Variants in ABCG2 observed in about 807,000 individuals in gnomAD.
The protein encoded by ABCG2 is broad substrate specificity ATP-binding cassette transporter ABCG2.
A neutral mutation model predicts 73.5 loss-of-function variants in ABCG2; 80 were observed. The observed-to-expected ratio is 1.09, with a 90% CI of 0.91 to 1.31. The LOEUF is 1.31. Ranked by LOEUF, ABCG2 falls within the 50% of genes most tolerant of loss-of-function variation. The pLI is 0.00. For synonymous variants in ABCG2, 269 were observed against 282.4 expected (o/e 0.95, Z 0.48); for missense variants, 796 against 786.2 (o/e 1.01, Z -0.15).
In ABCG2 at chr4:88,139,991, G is replaced by A. The variant is rs1212086865; in HGVS notation, c.5C>T (p.Ser2Phe). The change falls in exon 2 of 16, where the codon TCT becomes TTT. Residue 2 changes from serine (S) to phenylalanine (F), a missense_variant. Ser to Phe is a radical substitution (Grantham distance 155). Coordinates refer to ENST00000237612, the MANE Select transcript of ABCG2 (RefSeq NM_004827.3). M[S>F]SSNVEVFIPV... ...GATAAAAACTTCGACATTACTGGAA[G>A]ACATCTGGAGAGTTTTTATCTTTCT... 6.2e-7 allele frequency: 1 copy of A among 1,613,784 alleles called. No homozygotes were observed. Among genetic ancestry groups the A allele is most frequent in the East Asian group, 2.2e-5 (1 of 44,878 alleles).
chr4:88,140,608 C>A (rs45473592), intron 1 of ABCG2, among the ~76,000 whole-genome samples: 3 of 151,648 alleles, frequency 2.0e-5, no homozygotes, highest in African/African-American at 7.3e-5. Flanking sequence ...AGCGATAGAG[C>A]GAGACTCCAT....
chr4:88,211,710 C>T (rs1050873645), intron 1 of ABCG2, among the ~76,000 whole-genome samples: 1 of 152,124 alleles, frequency 6.6e-6, no homozygotes, highest in East Asian at 1.9e-4. Context: ...AGCCACTGTG[C>T]CCGGCCGAGA....
intron 1 of ABCG2, among the ~76,000 whole-genome samples, chr4:88,215,266 G>T (rs543038962): frequency 6.6e-6 from 1 of 152,154 alleles, no homozygotes; most frequent in Non-Finnish European, 1.5e-5. Context: ...ATAGCATGTT[G>T]GCTGGAGTAC....
chr4:88,138,426 A>C (rs751540346), intron 2 of ABCG2, among the ~76,000 whole-genome samples: 16 of 152,198 alleles, frequency 1.1e-4, no homozygotes, highest in Non-Finnish European at 1.6e-4. Context: ...CTGCAGAGGA[A>C]ATCAGGTTAT....
intron 5 of ABCG2, among the ~76,000 whole-genome samples, chr4:88,126,962 A>G (rs916021108): frequency 6.6e-6 from 1 of 152,226 alleles, no homozygotes; most frequent in Non-Finnish European, 1.5e-5. Flanking sequence ...AAGTGTATTC[A>G]AATAGGAAGA....
At position 88,090,537 on chromosome 4, in the gene ABCG2, A is replaced by C. The variant is rs1354051361; in HGVS notation, c.*1697T>G. 6.6e-6 allele frequency: 1 copy of C among 152,248 alleles called. No homozygotes were observed. Among genetic ancestry groups the C allele is most frequent in the Non-Finnish European group, 1.5e-5 (1 of 68,038 alleles). 9.4% of individuals were successfully genotyped at this position (152,248 alleles called of 1,614,324 possible). ...TTAATCAAATGTCATCCAAAAAGAA[A>C]AAAGTTCAAAGATAAAAATATAATG... On this transcript the variant is annotated 3_prime_UTR_variant, in exon 16 of 16. Coordinates refer to ENST00000237612, the MANE Select transcript of ABCG2 (RefSeq NM_004827.3).
chr4:88,122,269 GT>G (rs948257319), intron 5 of ABCG2, among the ~76,000 whole-genome samples: 95 of 151,622 alleles, frequency 6.3e-4, no homozygotes, highest in African/African-American at 2.0e-3. Flanking sequence ...AGCTGCAGGA[GT>G]TTTTTTTTCA....
chr4:88,110,182 A>C (rs575156278), intron 9 of ABCG2, among the ~76,000 whole-genome samples: 1 of 152,278 alleles, frequency 6.6e-6, no homozygotes, highest in South Asian at 2.1e-4. Context: ...ATTTATATAA[A>C]ATTCAAATTT....
chr4:88,142,106 A>G (rs1439566348), intron 1 of ABCG2, among the ~76,000 whole-genome samples: 1 of 152,128 alleles, frequency 6.6e-6, no homozygotes, highest in Non-Finnish European at 1.5e-5. Flanking sequence ...TCTCCTAATT[A>G]AAAAGAATGA....
chr4:88,204,281 C>T (rs1244056782), intron 1 of ABCG2, among the ~76,000 whole-genome samples: 2 of 152,160 alleles, frequency 1.3e-5, no homozygotes, highest in African/African-American at 4.8e-5. Context: ...ATTAGCCGGG[C>T]GTGGTGACAG....
chr4:88,156,047 A>C (rs1295810764), intron 1 of ABCG2, among the ~76,000 whole-genome samples: 1 of 152,126 alleles, frequency 6.6e-6, no homozygotes, highest in African/African-American at 2.4e-5. Flanking sequence ...AAGCCTGAGC[A>C]TTCTCTGATG....
chr4:88,202,350 T>TTTTATATATATATATATATA (rs1553945696), intron 1 of ABCG2, among the ~76,000 whole-genome samples: 5 of 35,396 alleles, frequency 1.4e-4, no homozygotes, highest in African/African-American at 7.6e-4. Flanking sequence ...ATCTCTACAA[T>TTTTATATATATATATATATA]TATTTATATA....
chr4:88,194,558 A>AGTT, intron 1 of ABCG2, among the ~76,000 whole-genome samples: 1 of 12,330 alleles, frequency 8.1e-5, no homozygotes, highest in African/African-American at 2.0e-4. Flanking sequence ...TCAAAAAAAA[A>AGTT]AAAAAAAAAA....
intron 1 of ABCG2, among the ~76,000 whole-genome samples, chr4:88,204,139 C>T (rs1233838454): frequency 1.3e-5 from 2 of 151,854 alleles, no homozygotes; most frequent in Non-Finnish European, 2.9e-5. Context: ...GAATTCAAGC[C>T]GGCCGGGCTT....
Position 88,099,264 on chromosome 4 carries a change from C to T in ABCG2, c.1492+60G>A, listed in dbSNP as rs1722216715. 2.1e-6 allele frequency: 3 copies of T among 1,448,070 alleles called. No homozygotes were observed. The East Asian group carries it at 7.6e-5, about 37-fold the overall frequency. The allele number at this position is 1,448,070 out of a possible 1,614,324, so 89.7% of individuals were successfully genotyped here. ...CCAAAAATATGCTTGCAAGGTGCAACTGACTTCACCCATAGGCAAGACTAA... is the reference window on the plus strand; with the variant it reads ...CCAAAAATATGCTTGCAAGGTGCAATTGACTTCACCCATAGGCAAGACTAA... On this transcript the variant is annotated intron_variant, in intron 12 of 15. Transcript: ENST00000237612.
rs1723271593 is a variant in ABCG2, at chr4:88,113,341, T to G, written c.1156A>C (p.Lys386Gln). Residue 386 changes from lysine to glutamine, a missense_variant, in exon 9 of 16, where the codon AAA (lysine) becomes CAA (glutamine). Lys to Gln is a moderately conservative substitution (Grantham distance 53, BLOSUM62 1). Coordinates refer to ENST00000237612, the MANE Select transcript of ABCG2 (RefSeq NM_004827.3). ...GCCTGGGGATTACCCAGCAAGTTTT[T>G]GAATGAACGCTTGGAAACCCATCTG... is the stretch of plus-strand genomic sequence containing the variant. ...QLRWVSKRSF[K>Q]NLLGNPQASI... 1 of 1,614,196 alleles carries G rather than the reference T, an allele frequency of 6.2e-7. No homozygotes were observed. The highest frequency in any genetic ancestry group is 1.1e-5 in the South Asian group (1 of 91,082).
intron 1 of ABCG2, among the ~76,000 whole-genome samples, chr4:88,177,998 G>A (rs7672821): frequency 0.23 from 34,469 of 152,050 alleles, 5,130 homozygotes; most frequent in African/African-American, 0.42. Flanking sequence ...AATAGGCCAC[G>A]AAAACAGCAA....
chr4:88,197,055 C>T (rs1295232268), intron 1 of ABCG2, among the ~76,000 whole-genome samples: 1 of 151,778 alleles, frequency 6.6e-6, no homozygotes, highest in East Asian at 1.9e-4. Flanking sequence ...AGCCTAGGGG[C>T]ACAGGCTTAC....
chr4:88,206,127 G>C (rs1275555849), intron 1 of ABCG2, among the ~76,000 whole-genome samples: 1 of 152,040 alleles, frequency 6.6e-6, no homozygotes, highest in Admixed American at 6.6e-5. Context: ...TCATATTGTT[G>C]CCTGTTGAAA....
Sources: allele counts gnomAD v4.1 joint callset (sites outside exome capture counted in the v4.1 genomes callset), GRCh38; gene constraint gnomAD v4.1.1; transcripts MANE v1.5; gene names NCBI Gene and HGNC (gene_info 2026-07-23, HGNC 2026-07-21).